PCNX1: variants seen among roughly 807,000 people sequenced by gnomAD.
PCNX1 encodes the protein pecanex 1, also known as pecanex-like protein 1.
A neutral mutation model predicts 242.2 loss-of-function variants in PCNX1; 78 were observed. That is an observed-to-expected ratio of 0.32 (90% CI 0.27 to 0.39). The LOEUF is 0.39. PCNX1 is among the 10% of genes least tolerant of loss of function. PCNX1 has a pLI of 1.00. For synonymous variants in PCNX1, 1,024 were observed against 1,032.9 expected (o/e 0.99, Z 0.17); for missense variants, 2,581 against 2,856.5 (o/e 0.90, Z 2.20).
chr14:71,074,986 TTC>T (rs1203674899), intron 27 of PCNX1, among the ~76,000 whole-genome samples: 2 of 147,550 alleles, frequency 1.4e-5, no homozygotes, highest in Non-Finnish European at 3.0e-5. Flanking sequence ...TTTTCTTTTC[TTC>T]TCTTTTTTTT....
chr14:71,003,934 A>T (rs954091089), intron 8 of PCNX1, among the ~76,000 whole-genome samples: 1 of 152,220 alleles, frequency 6.6e-6, no homozygotes, highest in Non-Finnish European at 1.5e-5. Context: ...GACTTGTTCT[A>T]AATATTGAAA....
In PCNX1 at chr14:71,108,585, C is replaced by T. The variant is rs112048755; in HGVS notation, c.6302-19C>T. 1.4e-5 allele frequency: 22 copies of T among 1,576,974 alleles called. No homozygotes were observed. The African/African-American group carries it at 1.8e-4, about 13-fold the overall frequency. ...TGAGTCATTCTACTTTGAGTGAGTG[C>T]TGCTGTTTCTCCTCCTAGGCACTAG... On this transcript the variant is annotated intron_variant, in intron 33 of 35. Coordinates refer to ENST00000304743, the MANE Select transcript of PCNX1 (RefSeq NM_014982.3).
chr14:71,042,183 T>TG, intron 19 of PCNX1, among the ~76,000 whole-genome samples: 1 of 152,172 alleles, frequency 6.6e-6, no homozygotes, highest in Non-Finnish European at 1.5e-5. Context: ...GTCTGCTAGG[T>TG]CCATTTGTTC....
At chr14:70,918,920 G>A (rs562702227) in intron 1 of PCNX1, among the ~76,000 whole-genome samples, 20 of 144,822 alleles carry the variant, frequency 1.4e-4, no homozygotes, top group South Asian at 8.7e-4. Flanking sequence ...CTTTTTCATC[G>A]CCCAGGCTGG....
At chr14:71,076,473 A>G (rs1177386131) in intron 28 of PCNX1, 54 bp downstream of exon 28, 8 of 1,174,336 alleles carry the variant, frequency 6.8e-6, no homozygotes, top group Non-Finnish European at 1.0e-5. Flanking sequence ...CAAAGATGCA[A>G]AGAATGTCCC....
At chr14:70,985,647 G>A (rs1416978785) in intron 6 of PCNX1, among the ~76,000 whole-genome samples, 2 of 152,132 alleles carry the variant, frequency 1.3e-5, no homozygotes, top group African/African-American at 4.8e-5. Flanking sequence ...TATACCCTTG[G>A]AAGTATTTTA....
At chr14:71,079,628 C>T (rs1272315430) in intron 28 of PCNX1, among the ~76,000 whole-genome samples, 3 of 152,102 alleles carry the variant, frequency 2.0e-5, no homozygotes, top group Admixed American at 6.5e-5. Flanking sequence ...CTCTAATGAC[C>T]ATTGATGATG....
chr14:71,009,541 C>T, intron 8 of PCNX1, 93 bp from the exon 9 acceptor site: 1 of 645,358 alleles, frequency 1.5e-6, no homozygotes, highest in African/African-American at 1.8e-5. Context: ...GGTGTATTTT[C>T]TTAAGATGTA....
Position 71,058,119 on chromosome 14 carries a change from A to G in PCNX1, c.4852+395A>G, listed in dbSNP as rs1171033559. 2.0e-5 allele frequency among the ~76,000 whole-genome samples: 3 copies of G among 152,212 alleles called. No homozygotes were observed. The East Asian group carries it at 5.8e-4, about 29-fold the overall frequency. On this transcript the variant is annotated intron_variant, in intron 26 of 35. Transcript: ENST00000304743. The stretch of plus-strand genomic sequence containing the variant: ...TTAACTGAGTTATGTTCATATAAAC[A>G]CCATGCCTTTGTCTTCCAACAATTT...
chr14:70,983,933 A>G (rs2058921568), intron 6 of PCNX1, among the ~76,000 whole-genome samples: 1 of 151,462 alleles, frequency 6.6e-6, no homozygotes, highest in African/African-American at 2.4e-5. Context: ...TGCCTAGACT[A>G]AAACATTCCT....
At chr14:70,924,359 G>A (rs759705080) in intron 1 of PCNX1, among the ~76,000 whole-genome samples, 9 of 151,962 alleles carry the variant, frequency 5.9e-5, no homozygotes, top group Non-Finnish European at 1.2e-4. Context: ...GAGAGATCCC[G>A]TATACACTGC....
At chr14:71,035,754 A>T (rs1020220651) in intron 18 of PCNX1, among the ~76,000 whole-genome samples, 10 of 151,890 alleles carry the variant, frequency 6.6e-5, no homozygotes, top group Non-Finnish European at 1.3e-4. Flanking sequence ...CTAAAAATAC[A>T]AAATATTAGC....
At chr14:71,090,959 A>G (rs1566794808) in intron 30 of PCNX1, among the ~76,000 whole-genome samples, 1 of 152,164 alleles carries the variant, frequency 6.6e-6, no homozygotes, top group Non-Finnish European at 1.5e-5. Flanking sequence ...ATTATTGCCG[A>G]TATCAGTGAT....
chr14:70,996,528 G>A (rs2059357212), intron 8 of PCNX1, among the ~76,000 whole-genome samples: 1 of 152,058 alleles, frequency 6.6e-6, no homozygotes, highest in South Asian at 2.1e-4. Flanking sequence ...TTAATTCTCA[G>A]AAGTGTGATA....
At chr14:70,913,263 C>T (rs1315080987) in intron 1 of PCNX1, among the ~76,000 whole-genome samples, 4 of 152,072 alleles carry the variant, frequency 2.6e-5, no homozygotes, top group Non-Finnish European at 4.4e-5. Context: ...CTTTTTTAGA[C>T]TTGTTAACTG....
intron 1 of PCNX1, among the ~76,000 whole-genome samples, chr14:70,910,825 T>G (rs1470422087): frequency 6.6e-6 from 1 of 152,214 alleles, no homozygotes; most frequent in African/African-American, 2.4e-5. Context: ...GATGAATGAT[T>G]GAGAAGTGCA....
At chr14:70,947,225 A>G (rs1660145922) in intron 2 of PCNX1, 102 bp downstream of exon 2, 1 of 885,222 alleles carries the variant, frequency 1.1e-6, no homozygotes, top group South Asian at 1.6e-5. Flanking sequence ...ATATGGTTTT[A>G]AGGCAGTGTT....
intron 16 of PCNX1, among the ~76,000 whole-genome samples, chr14:71,029,052 C>T (rs775320097): frequency 2.6e-5 from 4 of 152,014 alleles, no homozygotes; most frequent in South Asian, 2.1e-4. Flanking sequence ...AAACTAGGCT[C>T]ATCTGGTATA....
At position 70,977,945 on chromosome 14, in the gene PCNX1, G is replaced by C. The variant is rs940522696; in HGVS notation, c.1608G>C (p.Lys536Asn). The part of the protein sequence containing the change: ...DSKVRKDVGG[K>N]QKEGDVRPKS... ...AAGTGCGTAAAGATGTTGGTGGAAA[G>C]CAAAAGGAAGGGGATGTTCGACCTA... Residue 536 changes from lysine to asparagine, a missense_variant, in exon 6 of 36, where the codon AAG becomes AAC. Coordinates refer to ENST00000304743, the MANE Select transcript of PCNX1 (RefSeq NM_014982.3). The C allele has an allele frequency of 1.9e-6, 3 of 1,614,190 alleles. No homozygotes were observed. Among genetic ancestry groups the C allele is most frequent in the Non-Finnish European group, 8.5e-7 (1 of 1,180,020 alleles).
Sources: allele counts gnomAD v4.1 joint callset (sites outside exome capture counted in the v4.1 genomes callset), GRCh38; gene constraint gnomAD v4.1.1; transcripts MANE v1.5; gene names NCBI Gene and HGNC (gene_info 2026-07-23, HGNC 2026-07-21).